The following PGAM5 variants were observed in gnomAD, a reference collection of about 807,000 sequenced individuals.
PGAM5 encodes the protein PGAM family member 5, mitochondrial serine/threonine protein phosphatase.
PGAM5 carries 25 observed loss-of-function variants against 30.6 expected under a neutral mutation model. The observed-to-expected ratio is 0.82, with a 90% CI of 0.60 to 1.14. PGAM5 has a LOEUF of 1.14. Among genes scored for constraint, PGAM5 ranks in the 50% most tolerant of loss-of-function variants. PGAM5 has a pLI of 0.00. For synonymous variants in PGAM5, 201 were observed against 179.1 expected, an observed-to-expected ratio of 1.12 and a Z score of -0.98; for missense variants, 384 against 408.5, an observed-to-expected ratio of 0.94 and a Z score of 0.52.
rs148581179 is a variant in PGAM5, at chr12:132,714,883, G to A, written c.217G>A (p.Val73Met). Reference protein sequence around the residue: ...DRREPLSLINVRKRNVESGEE... With the variant: ...DRREPLSLINMRKRNVESGEE... Reference sequence around the variant, plus strand: ...GCGAGAACCACTGTCTCTGATCAACGTGCGGAAGAGGAACGTGGAATCTGG... The same window carrying A: ...GCGAGAACCACTGTCTCTGATCAACATGCGGAAGAGGAACGTGGAATCTGG... Residue 73 changes from valine (V) to methionine (M), a missense_variant, in exon 2 of 6, where the codon GTG becomes ATG. Physicochemically the swap from Val to Met is conservative, Grantham distance 21 (BLOSUM62 1). Transcript: ENST00000498926. 21 of 1,613,720 alleles carry A rather than the reference G, an allele frequency of 1.3e-5. No homozygotes were observed. In the Middle Eastern group the frequency reaches 5.0e-4, roughly 38 times the overall value.
chr12:132,716,899 A>C (rs1473779614), intron 2 of PGAM5, among the ~76,000 whole-genome samples: 1 of 152,234 alleles, frequency 6.6e-6, no homozygotes, highest in Non-Finnish European at 1.5e-5. Context: ...GGCTGCATCC[A>C]GTGGCTTCGG....
rs1269821421 is a variant in PGAM5 at position 132,720,047 on chromosome 12, T to C, written c.720-631T>C. On this transcript the variant is annotated intron_variant, in intron 5 of 5. Coordinates refer to ENST00000498926, the MANE Select transcript of PGAM5 (RefSeq NM_001170543.2). Reference sequence around the variant, plus strand: ...ATCTGTGCAAATCTTGAGTTGGGGTTGGGCCCCTGTCCTAAAGAGGGCAGG... The same window carrying C: ...ATCTGTGCAAATCTTGAGTTGGGGTCGGGCCCCTGTCCTAAAGAGGGCAGG... 4.6e-5 allele frequency among the ~76,000 whole-genome samples: 7 copies of C among 150,710 alleles called. No individual in the cohort carries two copies. The South Asian group carries it at 1.1e-3, about 23-fold the overall frequency.
chr12:132,717,682 C>T (rs1207654442), intron 3 of PGAM5, 28 bp from the exon 4 acceptor site: 5 of 1,564,432 alleles, frequency 3.2e-6, no homozygotes, highest in African/African-American at 2.7e-5. Context: ...GGCCGCCTCA[C>T]CCAGCGCTTC....
chr12:132,716,742 C>T (rs141911998), intron 2 of PGAM5, among the ~76,000 whole-genome samples: 62 of 152,294 alleles, frequency 4.1e-4, no homozygotes, highest in African/African-American at 1.3e-3. Flanking sequence ...AAAAGTTCTT[C>T]GAATGGGATA....
chr12:132,722,704 TAATA>T lies in PGAM5; in HGVS notation c.*1883_*1886del, dbSNP rs1314881147. ...TCTGTCTACTTTGGAAATGATTGCATAATAAATAAAATTTTACTGTTTTTTTAAA... is the reference window on the plus strand; with the variant it reads ...TCTGTCTACTTTGGAAATGATTGCATAATAAAATTTTACTGTTTTTTTAAA... On this transcript the variant is annotated 3_prime_UTR_variant, in exon 6 of 6. Transcript: ENST00000498926. 2.0e-5 allele frequency: 3 copies of T among 152,196 alleles called. No individual in the cohort carries two copies. Among genetic ancestry groups the T allele is most frequent in the Non-Finnish European group, 4.4e-5 (3 of 68,030 alleles). The allele number at this position is 152,196 out of a possible 1,614,324, so 9.4% of individuals were successfully genotyped here. A position where few individuals can be genotyped will look rare whatever the true frequency, so the allele number is the denominator to read the frequency against.
chr12:132,720,137 A>G (rs1593122709), intron 5 of PGAM5, among the ~76,000 whole-genome samples: 1 of 36,048 alleles, frequency 2.8e-5, no homozygotes, highest in East Asian at 2.5e-3. Flanking sequence ...TCCCAGCCAG[A>G]TCTTCCCCGA....
At chr12:132,713,862 T>TC (rs1477162312) in intron 1 of PGAM5, among the ~76,000 whole-genome samples, 3 of 151,600 alleles carry the variant, frequency 2.0e-5, no homozygotes, top group African/African-American at 7.3e-5. Flanking sequence ...AGAGACGGGG[T>TC]CCCCCTGTGT....
Position 132,715,051 on chromosome 12 carries a change from C to T in PGAM5, c.370+15C>T, listed in dbSNP as rs773778794. ...GACCCCGCTGGGTATGTGGTGGGTT[C>T]AGATCCTCTGTGGACCCTCGTGGTT... On this transcript the variant is annotated intron_variant, in intron 2 of 5. Transcript: ENST00000498926. 1 of 1,595,878 alleles carries T rather than the reference C, an allele frequency of 6.3e-7. No homozygotes were observed. The highest frequency in any genetic ancestry group is 2.3e-5 in the East Asian group (1 of 43,846).
rs1292587432 is a variant in PGAM5 at position 132,718,364 on chromosome 12, CCTGGGTGGGGTGCGTG to C, written c.719+255_719+270del. On this transcript the variant is annotated intron_variant, in intron 5 of 5. Coordinates refer to ENST00000498926, the MANE Select transcript of PGAM5 (RefSeq NM_001170543.2). ...AGACAGGGAGGGACCCCTGTGGTGTCCTGGGTGGGGTGCGTGCTGGGTGGGGGGTCCTGAGTGGGGT... is the reference window on the plus strand; with the variant it reads ...AGACAGGGAGGGACCCCTGTGGTGTCCTGGGTGGGGGGTCCTGAGTGGGGT... Among the ~76,000 whole-genome samples, 52 of 130,178 alleles carry C rather than the reference CCTGGGTGGGGTGCGTG, an allele frequency of 4.0e-4. 3 individuals are homozygous for C. The highest frequency in any genetic ancestry group is 1.3e-3 in the African/African-American group (43 of 32,542). 85.4% of individuals were successfully genotyped at this position (130,178 alleles called of 152,430 possible).
chr12:132,711,210 G>T, intron 1 of PGAM5, 143 bp downstream of exon 1: 1 of 608,134 alleles, frequency 1.6e-6, no homozygotes, highest in Non-Finnish European at 2.3e-6. Flanking sequence ...CGGAGGAGCC[G>T]CTTTCCGGGG....
chr12:132,718,255 C>T (rs892709352), intron 5 of PGAM5, 135 bp downstream of exon 5: 35 of 1,155,390 alleles, frequency 3.0e-5, no homozygotes, highest in Non-Finnish European at 1.3e-5. Context: ...CGGGCGTCCA[C>T]TTCCCGCGAG....
At chr12:132,720,289 A>C (rs1306885116) in intron 5 of PGAM5, among the ~76,000 whole-genome samples, 1 of 148,646 alleles carries the variant, frequency 6.7e-6, no homozygotes, top group African/African-American at 2.5e-5. Context: ...TTAAGGACAG[A>C]GTCCCCTGGC....
Position 132,720,720 on chromosome 12 carries a change from C to T in PGAM5, c.762C>T (p.Leu254=). The T allele has an allele frequency of 6.5e-7, 1 of 1,536,374 alleles. No individual in the cohort carries two copies. Among genetic ancestry groups the T allele is most frequent in the South Asian group, 1.2e-5 (1 of 84,052 alleles). ...FPPEGWLRLS[L]NNGSITHLVI... ...CTGAAGGCTGGCTCCGGCTCTCCCTCAATAATGGCAGCATCACCCACCTGG... is the reference window on the plus strand; with the variant it reads ...CTGAAGGCTGGCTCCGGCTCTCCCTTAATAATGGCAGCATCACCCACCTGG... The change falls in exon 6 of 6, where the codon CTC becomes CTT. Residue 254 remains leucine (L), a synonymous_variant. Transcript: ENST00000498926.
At chr12:132,718,245 C>CT (rs2043603437) in intron 5 of PGAM5, 125 bp downstream of exon 5, 1 of 1,254,474 alleles carries the variant, frequency 8.0e-7, no homozygotes, top group Non-Finnish European at 1.1e-6. Context: ...CACCAGCCCC[C>CT]GGGCGTCCAC....
chr12:132,722,562 T>TCAAA lies in PGAM5; in HGVS notation c.*1737_*1740dup, dbSNP rs1317928584. On this transcript the variant is annotated 3_prime_UTR_variant, in exon 6 of 6. Coordinates refer to ENST00000498926, the MANE Select transcript of PGAM5 (RefSeq NM_001170543.2). The stretch of plus-strand genomic sequence containing the variant: ...CATGCCTGGCCAGGGATTAAAATAT[T>TCAAA]CAAACATGTTGTGTGTACCCAGATA... 1 of 150,498 alleles carries TCAAA rather than the reference T, an allele frequency of 6.6e-6. No individual in the cohort carries two copies. Among genetic ancestry groups the TCAAA allele is most frequent in the Non-Finnish European group, 1.5e-5 (1 of 67,800 alleles). The allele number at this position is 150,498 out of a possible 1,614,324, so 9.3% of individuals were successfully genotyped here. A position where few individuals can be genotyped will look rare whatever the true frequency, so the allele number is the denominator to read the frequency against.
rs1031383152 is a variant in PGAM5, at chr12:132,721,378, T to C, written c.*550T>C. The C allele has an allele frequency of 6.6e-6, 1 of 152,414 alleles. No homozygotes were observed. Among genetic ancestry groups the C allele is most frequent in the South Asian group, 2.1e-4 (1 of 4,834 alleles). 9.4% of individuals were successfully genotyped at this position (152,414 alleles called of 1,614,324 possible). A position where few individuals can be genotyped will look rare whatever the true frequency, so the allele number is the denominator to read the frequency against. Reference sequence around the variant, plus strand: ...GCCAGGGTGGGAGGATCACTTGAGCTCAGGAGTTCAAGACCAGCCTGGACA... The same window carrying C: ...GCCAGGGTGGGAGGATCACTTGAGCCCAGGAGTTCAAGACCAGCCTGGACA... On this transcript the variant is annotated 3_prime_UTR_variant, in exon 6 of 6. Coordinates refer to ENST00000498926, the MANE Select transcript of PGAM5 (RefSeq NM_001170543.2).
chr12:132,711,717 C>T lies in PGAM5; in HGVS notation c.191+650C>T, dbSNP rs1223775900. 3 of 151,884 alleles carry T rather than the reference C, an allele frequency of 2.0e-5. No homozygotes were observed. In the East Asian group the frequency reaches 5.8e-4, roughly 29 times the overall value. 9.4% of individuals were successfully genotyped at this position (151,884 alleles called of 1,614,324 possible). A position where few individuals can be genotyped will look rare whatever the true frequency, so the allele number is the denominator to read the frequency against. On this transcript the variant is annotated intron_variant, in intron 1 of 5. Coordinates refer to ENST00000498926, the MANE Select transcript of PGAM5 (RefSeq NM_001170543.2). ...AGGAGGATCCCTTGAGTCCAGGGGT[C>T]CCAGGCTGCACAGTGTGAGCCGAGA...
rs780181945 is a variant in PGAM5 at position 132,718,084 on chromosome 12, T to C, written c.683T>C (p.Ile228Thr). 3.1e-6 allele frequency: 5 copies of C among 1,612,750 alleles called. No individual in the cohort carries two copies. The highest frequency in any genetic ancestry group is 1.1e-5 in the South Asian group (1 of 91,080). The stretch of plus-strand genomic sequence containing the variant: ...GAGGAGGACAGTTACGAGATCTTCA[T>C]CTGTCACGCCAACGTCATCCGCTAC... Reference protein sequence around the residue: ...RQEEDSYEIFICHANVIRYIV... With the variant: ...RQEEDSYEIFTCHANVIRYIV... Residue 228 changes from isoleucine to threonine, a missense_variant, in exon 5 of 6, where the codon ATC becomes ACC. Coordinates refer to ENST00000498926, the MANE Select transcript of PGAM5 (RefSeq NM_001170543.2).
chr12:132,718,914 C>T lies in PGAM5; in HGVS notation c.719+794C>T. The T allele has an allele frequency of 2.9e-5, 45 of 1,578,902 alleles. No homozygotes were observed. The South Asian group carries it at 5.2e-4, about 18-fold the overall frequency. ...TCGAGGCCACAGCTGAGTCACGTTG[C>T]TGCTCGGGCTGCTCCCTCGGGGGGC... On this transcript the variant is annotated intron_variant, in intron 5 of 5. Coordinates refer to ENST00000498926, the MANE Select transcript of PGAM5 (RefSeq NM_001170543.2).
Sources: gnomAD v4.1 joint callset for allele counts (sites outside exome capture counted in the v4.1 genomes callset) on GRCh38, gnomAD v4.1.1 for gene constraint, MANE v1.5 for transcripts, NCBI Gene and HGNC (gene_info 2026-07-23, HGNC 2026-07-21) for gene names.